NUDCD1: variants seen among roughly 807,000 people sequenced by gnomAD.
NUDCD1 encodes the protein nudC domain-containing protein 1.
A neutral mutation model predicts 67.8 loss-of-function variants in NUDCD1; 60 were observed. The ratio of observed to expected loss-of-function variants is 0.88; its 90% CI spans 0.72 to 1.10. The LOEUF is 1.10. Ranked by LOEUF, NUDCD1 falls within the 50% of genes least tolerant of loss-of-function variation. The pLI, the probability that NUDCD1 is intolerant of heterozygous loss-of-function variation, is 0.00. For missense variants in NUDCD1, 643 were observed against 695.0 expected (o/e 0.93, Z 0.84); for synonymous variants, 244 against 230.8 (o/e 1.06, Z -0.52).
rs967939112 is a variant in NUDCD1, at chr8:109,330,789, A to T, written c.118+3104T>A. On this transcript the variant is annotated intron_variant, in intron 1 of 9. Coordinates refer to ENST00000239690, the MANE Select transcript of NUDCD1 (RefSeq NM_032869.4). ...GTCCTCAACAAACCAACGAAGGAAC[A>T]GAACACAAAACACCACATGTTCTCA... Among the ~76,000 whole-genome samples the T allele has an allele frequency of 3.3e-5, 5 of 152,360 alleles. No individual in the cohort carries two copies. In the East Asian group the frequency reaches 7.7e-4, roughly 24 times the overall value.
chr8:109,294,192 T>C (rs937406543), intron 3 of NUDCD1, among the ~76,000 whole-genome samples: 6 of 129,118 alleles, frequency 4.6e-5, no homozygotes, highest in South Asian at 2.9e-4. Context: ...ATATGGACAG[T>C]TGAGAAAAAG....
At chr8:109,248,360 C>A (rs1271883507) in intron 8 of NUDCD1, among the ~76,000 whole-genome samples, 1 of 152,228 alleles carries the variant, frequency 6.6e-6, no homozygotes, top group African/African-American at 2.4e-5. Context: ...AGCAACCTAA[C>A]ATACCACCCA....
chr8:109,288,854 C>T (rs1814632470), intron 5 of NUDCD1, among the ~76,000 whole-genome samples: 1 of 152,062 alleles, frequency 6.6e-6, no homozygotes, highest in African/African-American at 2.4e-5. Context: ...ATATACTATT[C>T]TCTGGCTATG....
At position 109,322,442 on chromosome 8, in the gene NUDCD1, C is replaced by T. The variant is rs751501554; in HGVS notation, c.140G>A (p.Arg47Gln). The T allele has an allele frequency of 6.3e-7, 1 of 1,590,840 alleles. No individual in the cohort carries two copies. The highest frequency in any genetic ancestry group is 1.7e-5 in the Admixed American group (1 of 59,310). ...LDAAVAEVKL[R>Q]DDQYTLEHMH... is the part of the protein sequence containing the mutation. ...GTGTTCCAGTGTATATTGATCATCT[C>T]GAAGTTTTACCTCTGCCACAGCTGA... The change falls in exon 2 of 10, where the codon CGA (arginine) becomes CAA (glutamine). Residue 47 changes from arginine to glutamine, a missense_variant. Coordinates refer to ENST00000239690, the MANE Select transcript of NUDCD1 (RefSeq NM_032869.4).
At chr8:109,257,112 A>G (rs1813758236) in intron 8 of NUDCD1, among the ~76,000 whole-genome samples, 1 of 152,158 alleles carries the variant, frequency 6.6e-6, no homozygotes, top group African/African-American at 2.4e-5. Context: ...TCCTATTCTC[A>G]TCACTGATAT....
At chr8:109,263,752 G>T (rs142278042) in intron 8 of NUDCD1, among the ~76,000 whole-genome samples, 3 of 151,996 alleles carry the variant, frequency 2.0e-5, no homozygotes, top group Non-Finnish European at 2.9e-5. Flanking sequence ...TCTTCAGGGG[G>T]TCCATAGGCT....
intron 9 of NUDCD1, 67 bp downstream of exon 9, chr8:109,245,250 AGAAAT>A (rs1185221986): frequency 6.3e-6 from 9 of 1,434,670 alleles, no homozygotes; most frequent in Admixed American, 2.0e-5. Flanking sequence ...AAGAAAAAAA[AGAAAT>A]GAACTTTAAA....
intron 8 of NUDCD1, among the ~76,000 whole-genome samples, chr8:109,250,496 A>G (rs140469391): frequency 1.8e-4 from 28 of 152,244 alleles, no homozygotes; most frequent in African/African-American, 3.4e-4. Flanking sequence ...TTCCTGCCTC[A>G]CTGCCTACCT....
intron 1 of NUDCD1, among the ~76,000 whole-genome samples, chr8:109,325,748 A>G (rs575646051): frequency 1.3e-5 from 2 of 152,384 alleles, no homozygotes; most frequent in Non-Finnish European, 2.9e-5. Flanking sequence ...TCAATTTAAA[A>G]GAATTCATTA....
In NUDCD1 at chr8:109,309,701, G is replaced by A. The variant is rs552214841; in HGVS notation, c.273+12608C>T. ...TACTGATGATATAACTATTTACCTA[G>A]AAAACCCTAAAGACTCCTCCAGAAA... On this transcript the variant is annotated intron_variant, in intron 2 of 9. Coordinates refer to ENST00000239690, the MANE Select transcript of NUDCD1 (RefSeq NM_032869.4). Among the ~76,000 whole-genome samples, 50 of 152,162 alleles carry A rather than the reference G, an allele frequency of 3.3e-4. 1 individual carries two copies. The South Asian group carries it at 5.2e-3, about 16-fold the overall frequency.
intron 8 of NUDCD1, among the ~76,000 whole-genome samples, chr8:109,267,399 T>C (rs1814028271): frequency 6.6e-6 from 1 of 152,206 alleles, no homozygotes; most frequent in Admixed American, 6.6e-5. Context: ...AAATAACAGA[T>C]GCTGGTGACA....
In NUDCD1 at chr8:109,334,072, G is replaced by T; in HGVS notation, c.-62C>A. The T allele has an allele frequency of 1.2e-6, 2 of 1,605,672 alleles. No homozygotes were observed. Among genetic ancestry groups the T allele is most frequent in the Admixed American group, 3.4e-5 (2 of 58,950 alleles). ...CCTTGTTGAAAGGTCCGCGCTTCAC[G>T]CCTCGCACAGAGACTGGGAAGCGGC... On this transcript the variant is annotated 5_prime_UTR_variant, in exon 1 of 10. Transcript: ENST00000239690.
chr8:109,290,442 A>T (rs1038790493), intron 4 of NUDCD1, among the ~76,000 whole-genome samples: 1 of 152,116 alleles, frequency 6.6e-6, no homozygotes, highest in Non-Finnish European at 1.5e-5. Context: ...CAGGTATGTG[A>T]TAAGTTTCTT....
intron 5 of NUDCD1, 65 bp from the exon 6 acceptor site, chr8:109,281,237 C>T (rs1290007565): frequency 1.9e-6 from 2 of 1,045,616 alleles, no homozygotes. Context: ...ACACACAAAA[C>T]CTATCTAAAA....
chr8:109,307,194 T>C lies in NUDCD1; in HGVS notation c.274-10625A>G, dbSNP rs138462618. ...TTTGTTCCTGCCCTACCCTAACTGA[T>C]AGGATATATTCTCCCCTGCCCTTAA... On this transcript the variant is annotated intron_variant, in intron 2 of 9. Coordinates refer to ENST00000239690, the MANE Select transcript of NUDCD1 (RefSeq NM_032869.4). 1.1e-4 allele frequency among the ~76,000 whole-genome samples: 17 copies of C among 152,348 alleles called. No homozygotes were observed. The East Asian group carries it at 2.7e-3, about 24-fold the overall frequency.
At chr8:109,257,870 T>C (rs1461254090) in intron 8 of NUDCD1, among the ~76,000 whole-genome samples, 1 of 152,126 alleles carries the variant, frequency 6.6e-6, no homozygotes, top group Non-Finnish European at 1.5e-5. Flanking sequence ...AAACTTTATT[T>C]ATAAAAACAG....
intron 5 of NUDCD1, among the ~76,000 whole-genome samples, chr8:109,284,039 C>T (rs1814519499): frequency 1.4e-5 from 2 of 146,744 alleles, no homozygotes; most frequent in Admixed American, 1.4e-4. Flanking sequence ...CGGCATTCTA[C>T]AAGAGACCCA....
At chr8:109,283,650 C>T (rs1468359339) in intron 5 of NUDCD1, among the ~76,000 whole-genome samples, 1 of 144,904 alleles carries the variant, frequency 6.9e-6, no homozygotes, top group Non-Finnish European at 1.5e-5. Flanking sequence ...AGAAATTCCA[C>T]CCAAGAATTT....
intron 1 of NUDCD1, among the ~76,000 whole-genome samples, chr8:109,328,003 A>G (rs774216897): frequency 3.3e-5 from 5 of 152,238 alleles, no homozygotes; most frequent in South Asian, 4.1e-4. Flanking sequence ...TATACATTGA[A>G]TAACTTTTGT....
Sources: allele counts gnomAD v4.1 joint callset (sites outside exome capture counted in the v4.1 genomes callset), GRCh38; gene constraint gnomAD v4.1.1; transcripts MANE v1.5; gene names NCBI Gene and HGNC (gene_info 2026-07-23, HGNC 2026-07-21).